The following DPYD variants were observed in gnomAD, a reference collection of about 807,000 sequenced individuals.
DPYD encodes the protein dihydropyrimidine dehydrogenase [NADP(+)].
DPYD carries 109 observed loss-of-function variants against 116.2 expected under a neutral mutation model. The observed-to-expected ratio is 0.94, with a 90% CI of 0.80 to 1.10. The LOEUF is 1.10. Ranked by LOEUF, DPYD falls within the 50% of genes least tolerant of loss-of-function variation. The pLI, the probability that DPYD is intolerant of heterozygous loss-of-function variation, is 0.00. For synonymous variants in DPYD, 440 were observed against 432.0 expected, an observed-to-expected ratio of 1.02 and a Z score of -0.23; for missense variants, 1,302 against 1,254.5, an observed-to-expected ratio of 1.04 and a Z score of -0.57.
chr1:97,123,469 T>C (rs1036487469), intron 20 of DPYD, among the ~76,000 whole-genome samples: 2 of 152,118 alleles, frequency 1.3e-5, no homozygotes, highest in Non-Finnish European at 2.9e-5. Context: ...GTACCTTCAA[T>C]AGCCCAGAGG....
Position 97,573,824 on chromosome 1 carries a change from C to G in DPYD, c.1275G>C (p.Gln425His), listed in dbSNP as rs1653078400. 6.2e-7 allele frequency: 1 copy of G among 1,613,592 alleles called. No individual in the cohort carries two copies. The highest frequency in any genetic ancestry group is 1.1e-5 in the South Asian group (1 of 91,078). Reference sequence around the variant, plus strand: ...CCACATCGGCTTTCAGATGGACCATCTGATCTTCATCTTCATTCCATTTTC... The same window carrying G: ...CCACATCGGCTTTCAGATGGACCATGTGATCTTCATCTTCATTCCATTTTC... ...ETGKWNEDED[Q>H]MVHLKADVVI... Residue 425 changes from glutamine (Q) to histidine (H), a missense_variant, in exon 11 of 23, where the codon CAG becomes CAC. Coordinates refer to ENST00000370192, the MANE Select transcript of DPYD (RefSeq NM_000110.4).
At chr1:97,846,498 T>G (rs537657594) in intron 2 of DPYD, among the ~76,000 whole-genome samples, 1 of 152,322 alleles carries the variant, frequency 6.6e-6, no homozygotes, top group Non-Finnish European at 1.5e-5. Context: ...CTTGTGGGAC[T>G]GAGCCCATAA....
chr1:97,626,101 C>G (rs979260845), intron 8 of DPYD, among the ~76,000 whole-genome samples: 1 of 152,046 alleles, frequency 6.6e-6, no homozygotes, highest in Non-Finnish European at 1.5e-5. Flanking sequence ...TAATTGTTCA[C>G]TCTATCCGTG....
chr1:97,624,745 A>G (rs1160768597), intron 8 of DPYD, among the ~76,000 whole-genome samples: 2 of 152,102 alleles, frequency 1.3e-5, no homozygotes, highest in African/African-American at 4.8e-5. Flanking sequence ...ATGGATAAAG[A>G]AAATGTATAT....
At chr1:97,861,422 T>C (rs1410316740) in intron 2 of DPYD, among the ~76,000 whole-genome samples, 1 of 151,848 alleles carries the variant, frequency 6.6e-6, no homozygotes, top group East Asian at 1.9e-4. Context: ...AAAAGGGTGA[T>C]AAATTCAACC....
intron 16 of DPYD, among the ~76,000 whole-genome samples, chr1:97,319,542 A>C (rs1453638976): frequency 6.4e-5 from 9 of 141,524 alleles, no homozygotes; most frequent in Non-Finnish European, 1.1e-4. Flanking sequence ...GAAGCAGTTG[A>C]ATCTCTGAAT....
intron 1 of DPYD, among the ~76,000 whole-genome samples, chr1:97,900,328 T>C (rs564037054): frequency 1.3e-5 from 2 of 152,010 alleles, no homozygotes; most frequent in South Asian, 4.1e-4. Context: ...TAAGCCGCTT[T>C]TAGCAATTTT....
At chr1:97,754,517 T>C (rs1241276915) in intron 3 of DPYD, among the ~76,000 whole-genome samples, 1 of 152,184 alleles carries the variant, frequency 6.6e-6, no homozygotes. Flanking sequence ...AATGAAAAAT[T>C]TGAGTCAAGG....
chr1:97,104,208 TAATGAATGAATGAATA>T (rs1650961285), intron 20 of DPYD, among the ~76,000 whole-genome samples: 1 of 152,112 alleles, frequency 6.6e-6, no homozygotes, highest in African/African-American at 2.4e-5. Context: ...TTTCAAAGCT[TAATGAATGAATGAATA>T]AATGAATGAA....
At chr1:97,719,407 C>CT (rs1487555279) in intron 5 of DPYD, among the ~76,000 whole-genome samples, 1 of 151,854 alleles carries the variant, frequency 6.6e-6, no homozygotes, top group Non-Finnish European at 1.5e-5. Flanking sequence ...ATCTGCTTTC[C>CT]TAACCTTTGC....
intron 16 of DPYD, among the ~76,000 whole-genome samples, chr1:97,323,811 C>G (rs1030395012): frequency 6.6e-6 from 1 of 150,984 alleles, no homozygotes; most frequent in Non-Finnish European, 1.5e-5. Flanking sequence ...TTTTGGCTGT[C>G]TGAAATTTGA....
In DPYD at chr1:97,619,391, C is replaced by T. The variant is rs1283164862; in HGVS notation, c.851-24225G>A. Among the ~76,000 whole-genome samples the T allele has an allele frequency of 2.0e-5, 3 of 152,226 alleles. No individual in the cohort carries two copies. The East Asian group carries it at 5.8e-4, about 29-fold the overall frequency. On this transcript the variant is annotated intron_variant, in intron 8 of 22. Coordinates refer to ENST00000370192, the MANE Select transcript of DPYD (RefSeq NM_000110.4). Reference sequence around the variant, plus strand: ...AAAATACCATGTTCTGTTTGATTCGCTTGTCTTTAGCATGTAGTAATATAT... The same window carrying T: ...AAAATACCATGTTCTGTTTGATTCGTTTGTCTTTAGCATGTAGTAATATAT...
chr1:97,776,526 A>G (rs1666415504), intron 3 of DPYD, among the ~76,000 whole-genome samples: 1 of 152,184 alleles, frequency 6.6e-6, no homozygotes, highest in African/African-American at 2.4e-5. Context: ...ATCCTCTTAA[A>G]AAGGTCTTAT....
chr1:97,634,653 A>G (rs1460967479), intron 8 of DPYD, among the ~76,000 whole-genome samples: 2 of 152,152 alleles, frequency 1.3e-5, no homozygotes, highest in Non-Finnish European at 2.9e-5. Context: ...GATACAAAAT[A>G]TAACAACAGA....
intron 3 of DPYD, among the ~76,000 whole-genome samples, chr1:97,803,938 G>A (rs1435026928): frequency 6.6e-6 from 1 of 151,638 alleles, no homozygotes; most frequent in African/African-American, 2.4e-5. Context: ...AAAATATCAA[G>A]ACCATTTTTA....
At chr1:97,902,982 CATT>C (rs1196104205) in intron 1 of DPYD, among the ~76,000 whole-genome samples, 3 of 151,842 alleles carry the variant, frequency 2.0e-5, no homozygotes, top group Non-Finnish European at 4.4e-5. Flanking sequence ...AAGATATAAA[CATT>C]ATTCCAAAGG....
chr1:97,421,163 G>A (rs1340358006), intron 14 of DPYD, among the ~76,000 whole-genome samples: 1 of 152,124 alleles, frequency 6.6e-6, no homozygotes, highest in Non-Finnish European at 1.5e-5. Context: ...TAAAATGGAT[G>A]CAATATTAGT....
chr1:97,211,834 T>A (rs1660051327), intron 19 of DPYD, among the ~76,000 whole-genome samples: 1 of 152,080 alleles, frequency 6.6e-6, no homozygotes, highest in South Asian at 2.1e-4. Flanking sequence ...TTTGTTACAT[T>A]GCTGATACTA....
At chr1:97,431,458 A>G (rs1007759210) in intron 14 of DPYD, among the ~76,000 whole-genome samples, 1 of 152,124 alleles carries the variant, frequency 6.6e-6, no homozygotes, top group Non-Finnish European at 1.5e-5. Flanking sequence ...ATCTCTTTAT[A>G]ACATTCAATT....
Sources: allele counts gnomAD v4.1 joint callset (sites outside exome capture counted in the v4.1 genomes callset), GRCh38; gene constraint gnomAD v4.1.1; transcripts MANE v1.5; gene names NCBI Gene and HGNC (gene_info 2026-07-23, HGNC 2026-07-21).